RBX1: variants seen among roughly 807,000 people sequenced by gnomAD.
RBX1 encodes ring-box 1, also known as E3 ubiquitin-protein ligase RBX1.
For missense variants in RBX1, 46 were observed against 141.4 expected, an observed-to-expected ratio of 0.33 and a Z score of 3.42; for synonymous variants, 48 against 47.9, an observed-to-expected ratio of 1.00 and a Z score of -0.01.
intron 3 of RBX1, chr22:40,966,856 C>CACT (rs1280911047): frequency 6.6e-6 from 1 of 152,158 alleles, no homozygotes; most frequent in African/African-American, 2.4e-5. Context: ...ATGAAGGAAG[C>CACT]ACTTGCTGCG....
intron 3 of RBX1, chr22:40,966,348 C>T (rs1295597685): frequency 2.6e-5 from 4 of 152,226 alleles, no homozygotes; most frequent in South Asian, 2.1e-4. Context: ...GCGTGGTATG[C>T]TCTGACTTAG....
intron 2 of RBX1, among the ~76,000 whole-genome samples, chr22:40,962,498 T>TA (rs1176243653): frequency 6.9e-6 from 1 of 145,650 alleles, no homozygotes; most frequent in Non-Finnish European, 1.5e-5. Context: ...AGTTTTACTT[T>TA]TTTTTTTTTT....
intron 3 of RBX1, among the ~76,000 whole-genome samples, chr22:40,965,242 G>A (rs927429717): frequency 6.5e-4 from 99 of 151,624 alleles, no homozygotes; most frequent in African/African-American, 2.3e-3. Flanking sequence ...GGTGGAGCTT[G>A]TAGTGAGCCG....
chr22:40,964,180 C>G (rs943614938), intron 3 of RBX1, 63 bp downstream of exon 3: 1 of 1,311,628 alleles, frequency 7.6e-7, no homozygotes, highest in East Asian at 2.3e-5. Flanking sequence ...TCCTGCTTTG[C>G]TAGTCTTGAA....
At position 40,965,656 on chromosome 22, in the gene RBX1, G is replaced by T. The variant is rs142795447; in HGVS notation, c.228+1539G>T. 3.6e-3 allele frequency among the ~76,000 whole-genome samples: 547 copies of T among 152,188 alleles called. 2 individuals carry two copies. The highest frequency in any genetic ancestry group is 0.012 in the African/African-American group (485 of 41,528). On this transcript the variant is annotated intron_variant, in intron 3 of 4. Coordinates refer to ENST00000216225, the MANE Select transcript of RBX1 (RefSeq NM_014248.4). ...GGGTTTCGCCATGTTGGCCAGGCTG[G>T]TCTTAAACTCCTGACCTTGGGGCGA... is the stretch of plus-strand genomic sequence containing the variant.
intron 4 of RBX1, 62 bp downstream of exon 4, chr22:40,967,946 G>A: frequency 1.7e-6 from 2 of 1,163,274 alleles, no homozygotes; most frequent in East Asian, 2.3e-5. Flanking sequence ...AAGGAGCGTG[G>A]TCTTGGGGGA....
In RBX1 at chr22:40,963,345, C is replaced by T. The variant is rs575350503; in HGVS notation, c.158-702C>T. ...ATCAGATCTTGATCTCAGTCAAGAACTCATTGCAGGCCAGGTGCGGTGGCT... is the reference window on the plus strand; with the variant it reads ...ATCAGATCTTGATCTCAGTCAAGAATTCATTGCAGGCCAGGTGCGGTGGCT... On this transcript the variant is annotated intron_variant, in intron 2 of 4. Transcript: ENST00000216225. Among the ~76,000 whole-genome samples, 6 of 152,124 alleles carry T rather than the reference C, an allele frequency of 3.9e-5. No individual in the cohort carries two copies. In the East Asian group the frequency reaches 9.7e-4, roughly 25 times the overall value.
chr22:40,956,542 G>A (rs1303812491), intron 2 of RBX1, among the ~76,000 whole-genome samples: 1 of 151,474 alleles, frequency 6.6e-6, no homozygotes, highest in African/African-American at 2.4e-5. Context: ...TGAGAGACAG[G>A]GTTTCACCAT....
chr22:40,955,411 G>C (rs1601534317), intron 2 of RBX1, among the ~76,000 whole-genome samples: 1 of 151,108 alleles, frequency 6.6e-6, no homozygotes, highest in South Asian at 2.1e-4. Context: ...AAATTTTCTA[G>C]TATCCACATT....
intron 4 of RBX1, 108 bp from the exon 5 acceptor site, chr22:40,972,366 CTG>C (rs2058371431): frequency 2.6e-6 from 2 of 774,742 alleles, no homozygotes; most frequent in Non-Finnish European, 4.4e-6. Context: ...CTGGAGCACA[CTG>C]TGATCACTTA....
intron 2 of RBX1, among the ~76,000 whole-genome samples, chr22:40,959,857 C>T (rs531376243): frequency 6.6e-5 from 10 of 152,260 alleles, no homozygotes; most frequent in Admixed American, 1.3e-4. Context: ...TGGCTCACGC[C>T]TGTAATCTCA....
intron 1 of RBX1, among the ~76,000 whole-genome samples, chr22:40,953,042 GT>G (rs1200349864): frequency 7.1e-6 from 1 of 140,814 alleles, no homozygotes; most frequent in Non-Finnish European, 1.5e-5. Context: ...CCAGGCTGGA[GT>G]GCAGTGGCAC....
chr22:40,961,311 G>A (rs1004315218), intron 2 of RBX1, among the ~76,000 whole-genome samples: 10 of 151,234 alleles, frequency 6.6e-5, no homozygotes, highest in Non-Finnish European at 1.3e-4. Flanking sequence ...TCTTGAATTC[G>A]TGGGCTAAAG....
At chr22:40,968,481 C>G (rs575950621) in intron 4 of RBX1, among the ~76,000 whole-genome samples, 24 of 152,250 alleles carry the variant, frequency 1.6e-4, no homozygotes, top group African/African-American at 5.3e-4. Flanking sequence ...TAATGAGGCT[C>G]CATGGACTAC....
chr22:40,972,182 T>C (rs1329509367), intron 4 of RBX1, among the ~76,000 whole-genome samples: 1 of 152,140 alleles, frequency 6.6e-6, no homozygotes, highest in African/African-American at 2.4e-5. Context: ...GACTTTTCCC[T>C]CTCACCTCCC....
At chr22:40,969,001 A>AT (rs779743779) in intron 4 of RBX1, among the ~76,000 whole-genome samples, 8 of 152,054 alleles carry the variant, frequency 5.3e-5, no homozygotes, top group East Asian at 3.9e-4. Context: ...TGTTTTTAAC[A>AT]TTTTTTATAT....
In RBX1 at chr22:40,973,007, T is replaced by C. The variant is rs1383597517; in HGVS notation, c.*519T>C. 1 of 157,820 alleles carries C rather than the reference T, an allele frequency of 6.3e-6. No homozygotes were observed. The highest frequency in any genetic ancestry group is 1.4e-5 in the Non-Finnish European group (1 of 71,364). The allele number at this position is 157,820 out of a possible 1,614,324, so 9.8% of individuals were successfully genotyped here. On this transcript the variant is annotated 3_prime_UTR_variant, in exon 5 of 5. Coordinates refer to ENST00000216225, the MANE Select transcript of RBX1 (RefSeq NM_014248.4). ...TCTTGGCCAAGTTGTCTCTCTACTC[T>C]GAACTTTCCTCCTCTGTACTGTGGG... is the stretch of plus-strand genomic sequence containing the variant.
intron 2 of RBX1, 25 bp from the exon 3 acceptor site, chr22:40,964,022 G>T: frequency 6.3e-7 from 1 of 1,599,552 alleles, no homozygotes; most frequent in African/African-American, 1.3e-5. Context: ...AAGGTCCAGT[G>T]ATCCTGTTGC....
chr22:40,967,816 C>T lies in RBX1; in HGVS notation c.246C>T (p.His82=), dbSNP rs760560740. The T allele has an allele frequency of 3.1e-6, 5 of 1,613,782 alleles. No individual in the cohort carries two copies. The highest frequency in any genetic ancestry group is 4.2e-6 in the Non-Finnish European group (5 of 1,179,670). Residue 82 remains histidine (H), a synonymous_variant, in exon 4 of 5, where the codon CAC becomes CAT. Transcript: ENST00000216225. ...TCTTTCAGCATGCTTTTCACTTCCA[C>T]TGCATCTCTCGCTGGCTCAAAACAC... is the stretch of plus-strand genomic sequence containing the variant. ...WGVCNHAFHF[H]CISRWLKTRQ...
Sources: allele counts gnomAD v4.1 joint callset (sites outside exome capture counted in the v4.1 genomes callset), GRCh38; gene constraint gnomAD v4.1.1; transcripts MANE v1.5; gene names NCBI Gene and HGNC (gene_info 2026-07-23, HGNC 2026-07-21).